Variants in IPO11 observed in about 807,000 individuals in gnomAD.
IPO11 encodes the protein importin 11.
A neutral mutation model predicts 143.2 loss-of-function variants in IPO11; 66 were observed. The observed-to-expected ratio is 0.46, with a 90% CI of 0.38 to 0.57. The LOEUF (loss-of-function observed/expected upper bound fraction) is 0.57. Ranked by LOEUF, IPO11 falls within the 20% of genes least tolerant of loss-of-function variation. The probability of loss-of-function intolerance (pLI) is 0.00; values close to 1 mark genes in which losing one functional copy is unlikely to be tolerated. For missense variants in IPO11, 1,026 were observed against 1,141.0 expected (o/e 0.90, Z 1.45); for synonymous variants, 385 against 377.8 (o/e 1.02, Z -0.22).
intron 16 of IPO11, among the ~76,000 whole-genome samples, chr5:62,495,054 T>G (rs979539909): frequency 2.2e-4 from 34 of 152,204 alleles, no homozygotes; most frequent in African/African-American, 7.5e-4. Context: ...CTTAAATAGG[T>G]GAATTTGTTA....
At chr5:62,429,990 C>T (rs1743920824) in intron 1 of IPO11, among the ~76,000 whole-genome samples, 2 of 152,112 alleles carry the variant, frequency 1.3e-5, no homozygotes, top group Admixed American at 1.3e-4. Flanking sequence ...AACTCTGGAC[C>T]TCGGGATCTG....
At chr5:62,567,363 T>G (rs1743979100) in intron 27 of IPO11, among the ~76,000 whole-genome samples, 1 of 151,886 alleles carries the variant, frequency 6.6e-6, no homozygotes, top group Admixed American at 6.6e-5. Context: ...GAGAATTAGA[T>G]TATTATATAT....
chr5:62,557,302 GC>G (rs1324388894), intron 26 of IPO11, among the ~76,000 whole-genome samples: 1 of 152,076 alleles, frequency 6.6e-6, no homozygotes, highest in East Asian at 1.9e-4. Flanking sequence ...TCCTGCCTCA[GC>G]CTCCCAAGTA....
chr5:62,616,967 T>C (rs1487306556), intron 29 of IPO11, among the ~76,000 whole-genome samples: 2 of 152,200 alleles, frequency 1.3e-5, no homozygotes, highest in Non-Finnish European at 2.9e-5. Flanking sequence ...TATTAAACTT[T>C]CTTGCCTTTA....
chr5:62,459,141 A>G (rs545339863), intron 5 of IPO11, among the ~76,000 whole-genome samples: 2 of 151,970 alleles, frequency 1.3e-5, no homozygotes, highest in East Asian at 3.9e-4. Context: ...TTTTGGATAC[A>G]TGAGAACAGT....
At chr5:62,435,896 G>T (rs190896517) in intron 1 of IPO11, among the ~76,000 whole-genome samples, 1 of 152,170 alleles carries the variant, frequency 6.6e-6, no homozygotes, top group Non-Finnish European at 1.5e-5. Flanking sequence ...GGGCTTGGTG[G>T]TGTGCGCCTG....
chr5:62,498,028 T>TG (rs755934310), intron 16 of IPO11, among the ~76,000 whole-genome samples: 5,129 of 151,626 alleles, frequency 0.034, 244 homozygotes, highest in African/African-American at 0.11. Context: ...GTTTTTTTTT[T>TG]TTGTTGTTGT....
chr5:62,519,396 A>C (rs1041907868), intron 20 of IPO11, among the ~76,000 whole-genome samples: 5 of 152,180 alleles, frequency 3.3e-5, no homozygotes, highest in Admixed American at 6.5e-5. Context: ...GCCATATCAT[A>C]GGTTTCTCAG....
In IPO11 at chr5:62,467,217, A is replaced by G. The variant is rs1341361778; in HGVS notation, c.603A>G (p.Glu201=). Residue 201 remains glutamate, a synonymous_variant, in exon 6 of 30, where the codon GAA becomes GAG. Coordinates refer to ENST00000325324, the MANE Select transcript of IPO11 (RefSeq NM_016338.5). ...TFLQEVSSGN[E]AAILSSLERT... is the part of the protein sequence containing the mutation. The stretch of plus-strand genomic sequence containing the variant: ...TGCAAGAAGTTTCTTCTGGCAATGA[A>G]GCTGCAATTTTGAGTTCACTAGAAC... The G allele has an allele frequency of 4.3e-6, 7 of 1,614,056 alleles. No homozygotes were observed. The Admixed American group carries it at 1.0e-4, about 23-fold the overall frequency.
chr5:62,483,098 C>T lies in IPO11; in HGVS notation c.829-3C>T, dbSNP rs1561329177. 6.5e-7 allele frequency: 1 copy of T among 1,538,166 alleles called. No individual in the cohort carries two copies. The highest frequency in any genetic ancestry group is 8.9e-7 in the Non-Finnish European group (1 of 1,129,470). On this transcript the variant is annotated splice_polypyrimidine_tract_variant and splice_region_variant and intron_variant, in intron 9 of 29. Transcript: ENST00000325324. ...TAATTTTTATTTATTTATTTTTCTA[C>T]AGCTTTTGGACTTCTTGGATCAGCA...
intron 9 of IPO11, among the ~76,000 whole-genome samples, chr5:62,482,093 T>C (rs1746233436): frequency 6.6e-6 from 1 of 152,222 alleles, no homozygotes; most frequent in Non-Finnish European, 1.5e-5. Context: ...GTTTACAGTG[T>C]TCTCTGATGT....
rs1215925693 is a variant in IPO11, at chr5:62,513,725, TG to T, written c.1783-1657del. 1.1e-4 allele frequency among the ~76,000 whole-genome samples: 14 copies of T among 122,136 alleles called. No homozygotes were observed. The East Asian group carries it at 2.9e-3, about 25-fold the overall frequency. The allele number at this position is 122,136 out of a possible 152,430, so 80.1% of individuals were successfully genotyped here. On this transcript the variant is annotated intron_variant, in intron 19 of 29. Coordinates refer to ENST00000325324, the MANE Select transcript of IPO11 (RefSeq NM_016338.5). ...CCCCCGGACGGGGCGGCTGGCCGGG[TG>T]GGGGGCTGACCCCCACCTCCCTCCC...
At chr5:62,421,338 G>A (rs1312990865) in intron 1 of IPO11, among the ~76,000 whole-genome samples, 1 of 152,104 alleles carries the variant, frequency 6.6e-6, no homozygotes, top group Non-Finnish European at 1.5e-5. Flanking sequence ...TATCTTCAAT[G>A]ACTCCATCAA....
chr5:62,537,280 G>A lies in IPO11; in HGVS notation c.2241G>A (p.Gln747=). ...LKEITTEGQV[Q]VLKVVENALK... ...AAATTACTACAGAAGGTCAAGTTCA[G>A]GTGCTCAAGGTATTGTGATCATTTT... The change falls in exon 24 of 30, where the codon CAG becomes CAA. Residue 747 remains glutamine, a synonymous_variant. Coordinates refer to ENST00000325324, the MANE Select transcript of IPO11 (RefSeq NM_016338.5). 1 of 1,581,334 alleles carries A rather than the reference G, an allele frequency of 6.3e-7. No individual in the cohort carries two copies. The highest frequency in any genetic ancestry group is 8.7e-7 in the Non-Finnish European group (1 of 1,151,636).
At chr5:62,530,926 T>G (rs1440560991) in intron 22 of IPO11, 141 bp downstream of exon 22, 1 of 648,116 alleles carries the variant, frequency 1.5e-6, no homozygotes, top group Non-Finnish European at 2.8e-6. Context: ...TACACGTTTG[T>G]TACATGGATA....
intron 27 of IPO11, among the ~76,000 whole-genome samples, chr5:62,571,773 C>T (rs1231907365): frequency 1.3e-5 from 2 of 151,864 alleles, no homozygotes; most frequent in African/African-American, 4.8e-5. Flanking sequence ...GCAACCTCCG[C>T]CTCCCGGGTT....
chr5:62,565,303 A>G (rs975093083), intron 27 of IPO11, among the ~76,000 whole-genome samples: 2 of 152,100 alleles, frequency 1.3e-5, no homozygotes, highest in Admixed American at 6.6e-5. Flanking sequence ...CTGGGCCAAC[A>G]TGGTGAAATC....
Position 62,504,711 on chromosome 5 carries a change from G to C in IPO11, c.1624+11G>C. The C allele has an allele frequency of 6.8e-7, 1 of 1,479,926 alleles. No homozygotes were observed. 91.7% of individuals were successfully genotyped at this position (1,479,926 alleles called of 1,614,324 possible). Reference sequence around the variant, plus strand: ...CAACTTTGAAGTTAAATATCCTTCTGAAAATTTAAAAATACTTCATTGCAA... The same window carrying C: ...CAACTTTGAAGTTAAATATCCTTCTCAAAATTTAAAAATACTTCATTGCAA... On this transcript the variant is annotated intron_variant, in intron 17 of 29. Transcript: ENST00000325324.
At chr5:62,489,246 TA>T in intron 13 of IPO11, 55 bp from the exon 14 acceptor site, 1 of 1,052,070 alleles carries the variant, frequency 9.5e-7, no homozygotes. Flanking sequence ...ATAAATTTTT[TA>T]AAAAACTAGT....
Sources: gnomAD v4.1 joint callset for allele counts (sites outside exome capture counted in the v4.1 genomes callset) on GRCh38, gnomAD v4.1.1 for gene constraint, MANE v1.5 for transcripts, NCBI Gene and HGNC (gene_info 2026-07-23, HGNC 2026-07-21) for gene names.